Variants in POU2F1 observed in about 807,000 individuals in gnomAD.
The protein encoded by POU2F1 is POU domain, class 2, transcription factor 1.
POU2F1 carries 16 observed loss-of-function variants against 84.9 expected under a neutral mutation model. The observed-to-expected ratio is 0.19, with a 90% CI of 0.13 to 0.29. The LOEUF (loss-of-function observed/expected upper bound fraction) is 0.29. Among genes scored for constraint, POU2F1 ranks in the 10% least tolerant of loss-of-function variants. The pLI, the probability that POU2F1 is intolerant of heterozygous loss-of-function variation, is 1.00. For missense variants in POU2F1, 738 were observed against 942.6 expected (o/e 0.78, Z 2.84); for synonymous variants, 368 against 368.3 (o/e 1.00, Z 0.01).
At chr1:167,331,427 G>C (rs1657078488) in intron 1 of POU2F1, among the ~76,000 whole-genome samples, 1 of 151,998 alleles carries the variant, frequency 6.6e-6, no homozygotes, top group South Asian at 2.1e-4. Flanking sequence ...GTCAAAAACA[G>C]TATAGTTTAA....
chr1:167,241,163 T>C (rs1343541192), intron 1 of POU2F1, among the ~76,000 whole-genome samples: 1 of 151,974 alleles, frequency 6.6e-6, no homozygotes, highest in Admixed American at 6.6e-5. Context: ...AATAAATAAA[T>C]AAATAGTCTG....
At chr1:167,336,834 G>C (rs1345197753) in intron 2 of POU2F1, among the ~76,000 whole-genome samples, 2 of 152,052 alleles carry the variant, frequency 1.3e-5, no homozygotes, top group Non-Finnish European at 2.9e-5. Flanking sequence ...TTCGAGACCA[G>C]CATGGGCAAC....
chr1:167,371,799 C>T (rs1401564215), intron 4 of POU2F1, 118 bp from the exon 5 acceptor site: 42 of 1,399,830 alleles, frequency 3.0e-5, no homozygotes, highest in Non-Finnish European at 3.9e-5. Context: ...AGGAGGTAAA[C>T]CAGAACTCAT....
intron 8 of POU2F1, 96 bp downstream of exon 8, chr1:167,384,047 A>G: frequency 1.9e-6 from 2 of 1,072,104 alleles, no homozygotes; most frequent in Non-Finnish European, 2.6e-6. Flanking sequence ...TAATAAAAAT[A>G]ATTCGGTCTT....
At chr1:167,289,721 T>C (rs950649512) in intron 1 of POU2F1, among the ~76,000 whole-genome samples, 1 of 152,208 alleles carries the variant, frequency 6.6e-6, no homozygotes, top group African/African-American at 2.4e-5. Flanking sequence ...GTCTTAGGAG[T>C]TACACTAACT....
intron 1 of POU2F1, among the ~76,000 whole-genome samples, chr1:167,284,246 C>A (rs1320398364): frequency 6.6e-6 from 1 of 152,082 alleles, no homozygotes; most frequent in African/African-American, 2.4e-5. Context: ...TGTTGCTATT[C>A]TGAAAAGGAC....
chr1:167,388,002 TAA>T lies in POU2F1; in HGVS notation c.814-1583_814-1582del, dbSNP rs772958166. Among the ~76,000 whole-genome samples, 25 of 152,258 alleles carry T rather than the reference TAA, an allele frequency of 1.6e-4. No homozygotes were observed. In the East Asian group the frequency reaches 4.4e-3, roughly 27 times the overall value. ...AACAGGATATATTAGAAAGGAAAAT[TAA>T]AAGCTCACCCAAATGACAATTTAAA... On this transcript the variant is annotated intron_variant, in intron 8 of 15. Coordinates refer to ENST00000367866, the MANE Select transcript of POU2F1 (RefSeq NM_002697.4).
intron 7 of POU2F1, among the ~76,000 whole-genome samples, chr1:167,378,652 C>T (rs993742561): frequency 7.9e-5 from 12 of 151,214 alleles, no homozygotes; most frequent in Non-Finnish European, 1.5e-5. Flanking sequence ...GTGATCCGCC[C>T]ACCTCGGCCT....
At chr1:167,364,984 A>T (rs370021639) in intron 2 of POU2F1, among the ~76,000 whole-genome samples, 19 of 152,358 alleles carry the variant, frequency 1.2e-4, no homozygotes, top group African/African-American at 3.8e-4. Flanking sequence ...CTTTATGCTT[A>T]TCATGGAGAA....
intron 13 of POU2F1, among the ~76,000 whole-genome samples, chr1:167,409,354 A>G (rs1397419536): frequency 6.6e-6 from 1 of 152,180 alleles, no homozygotes; most frequent in East Asian, 1.9e-4. Context: ...CACCTTGACT[A>G]TAGCTTCCTA....
At chr1:167,282,345 C>T (rs1334703653) in intron 1 of POU2F1, among the ~76,000 whole-genome samples, 2 of 152,002 alleles carry the variant, frequency 1.3e-5, no homozygotes, top group African/African-American at 4.8e-5. Flanking sequence ...GGGGTTTCAC[C>T]GTGTTAGCCA....
At chr1:167,268,403 C>T (rs1048936525) in intron 1 of POU2F1, among the ~76,000 whole-genome samples, 4 of 152,074 alleles carry the variant, frequency 2.6e-5, no homozygotes, top group Admixed American at 2.6e-4. Flanking sequence ...GTTTGTGTGT[C>T]TGACTCCCCC....
At chr1:167,245,243 C>CTT (rs553872078) in intron 1 of POU2F1, among the ~76,000 whole-genome samples, 2 of 140,824 alleles carry the variant, frequency 1.4e-5, no homozygotes, top group Non-Finnish European at 1.6e-5. Context: ...ACTCAAATTT[C>CTT]TTTTTTTTTT....
chr1:167,273,455 C>T (rs1490294753), intron 1 of POU2F1, among the ~76,000 whole-genome samples: 1 of 152,200 alleles, frequency 6.6e-6, no homozygotes, highest in East Asian at 1.9e-4. Context: ...GCAGCAGAGT[C>T]CTGCCTGGAG....
chr1:167,422,135 A>G lies in POU2F1; in HGVS notation c.*6325A>G, dbSNP rs896939240. On this transcript the variant is annotated 3_prime_UTR_variant, in exon 16 of 16. Coordinates refer to ENST00000367866, the MANE Select transcript of POU2F1 (RefSeq NM_002697.4). ...TGAGGGTGCATTTACATCCCTTCCT[A>G]TGGTTGCCCATGCCCCCCAGACCCT... 15 of 152,202 alleles carry G rather than the reference A, an allele frequency of 9.9e-5. No individual in the cohort carries two copies. Among genetic ancestry groups the G allele is most frequent in the African/African-American group, 1.9e-4 (8 of 41,414 alleles). The allele number at this position is 152,202 out of a possible 1,614,324, so 9.4% of individuals were successfully genotyped here.
intron 1 of POU2F1, among the ~76,000 whole-genome samples, chr1:167,312,944 G>T (rs570584645): frequency 2.6e-5 from 4 of 152,356 alleles, no homozygotes; most frequent in South Asian, 4.1e-4. Flanking sequence ...ATGCTGTATA[G>T]ATTTGTAGCC....
chr1:167,305,567 T>A (rs1009275453), intron 1 of POU2F1, among the ~76,000 whole-genome samples: 7 of 152,190 alleles, frequency 4.6e-5, no homozygotes, highest in African/African-American at 1.7e-4. Flanking sequence ...TGGTACGGTG[T>A]GGAGATCTTA....
chr1:167,351,535 AAAAAAAAAGAAAGAAAG>A (rs1301379499), intron 2 of POU2F1, among the ~76,000 whole-genome samples: 1 of 146,556 alleles, frequency 6.8e-6, no homozygotes, highest in African/African-American at 2.7e-5. Context: ...AAAAAAAAAA[AAAAAAAAAGAAAGAAAG>A]AAAAAAAAGA....
intron 1 of POU2F1, among the ~76,000 whole-genome samples, chr1:167,244,365 T>TA (rs994952205): frequency 5.3e-5 from 8 of 152,156 alleles, no homozygotes; most frequent in Admixed American, 3.9e-4. Flanking sequence ...CTCAGTTCCT[T>TA]ACTGGTGGTC....
Sources: gnomAD v4.1 joint callset for allele counts (sites outside exome capture counted in the v4.1 genomes callset) on GRCh38, gnomAD v4.1.1 for gene constraint, MANE v1.5 for transcripts, NCBI Gene and HGNC (gene_info 2026-07-23, HGNC 2026-07-21) for gene names.